The following PBX1 variants were observed in gnomAD, a reference collection of about 807,000 sequenced individuals.
The protein encoded by PBX1 is PBX homeobox 1, also known as pre-B-cell leukemia transcription factor 1.
A neutral mutation model predicts 53.4 loss-of-function variants in PBX1; 6 were observed. The ratio of observed to expected loss-of-function variants is 0.11; its 90% confidence interval spans 0.06 to 0.22. PBX1 has a LOEUF of 0.22. Ranked by LOEUF, PBX1 falls within the 10% of genes least tolerant of loss-of-function variation. The probability of loss-of-function intolerance (pLI) is 1.00; values close to 1 mark genes in which losing one functional copy is unlikely to be tolerated. For synonymous variants in PBX1, 204 were observed against 212.3 expected, an observed-to-expected ratio of 0.96 and a Z score of 0.34; for missense variants, 251 against 551.4, an observed-to-expected ratio of 0.46 and a Z score of 5.46.
In PBX1 at chr1:164,881,366, AAAG is replaced by A. The variant is rs1672647830; in HGVS notation, n.258-17818_258-17816del. Among the ~76,000 whole-genome samples, 4 of 51,290 alleles carry A rather than the reference AAAG, an allele frequency of 7.8e-5. 1 individual carries two copies. The highest frequency in any genetic ancestry group is 2.0e-4 in the Non-Finnish European group (4 of 19,754). 33.6% of individuals were successfully genotyped at this position (51,290 alleles called of 152,430 possible). A position where few individuals can be genotyped will look rare whatever the true frequency, so the allele number is the denominator to read the frequency against. ...GAAGGAAGGAAGGAAGGAAGGAGGA[AAAG>A]AAGGAAGGAAGGAAGGAAGGAAGGA... On this transcript the variant is annotated intron_variant and non_coding_transcript_variant, in intron 2 of 2. Coordinates refer to the PBX1 transcript ENST00000558796.
At chr1:164,866,273 C>T (rs1672214736) in intron 2 of PBX1, among the ~76,000 whole-genome samples, 1 of 152,228 alleles carries the variant, frequency 6.6e-6, no homozygotes, top group Non-Finnish European at 1.5e-5. Context: ...CAGTAATCTA[C>T]TCACACACTG....
At chr1:164,726,973 G>C (rs185275341) in intron 2 of PBX1, among the ~76,000 whole-genome samples, 1 of 152,092 alleles carries the variant, frequency 6.6e-6, no homozygotes, top group Non-Finnish European at 1.5e-5. Flanking sequence ...AGAAACCTTC[G>C]CTTTGGTTTT....
chr1:164,587,973 C>T (rs1212910863), intron 2 of PBX1, among the ~76,000 whole-genome samples: 1 of 152,184 alleles, frequency 6.6e-6, no homozygotes, highest in African/African-American at 2.4e-5. Context: ...TGCAAGGATG[C>T]CTTGTCACCT....
intron 2 of PBX1, among the ~76,000 whole-genome samples, chr1:164,740,141 A>C (rs745448012): frequency 6.6e-6 from 1 of 152,208 alleles, no homozygotes; most frequent in Non-Finnish European, 1.5e-5. Context: ...CGCTAGGAAC[A>C]CAGGGAAGAA....
intron 2 of PBX1, among the ~76,000 whole-genome samples, chr1:164,753,795 T>C (rs1292317084): frequency 6.6e-6 from 1 of 152,202 alleles, no homozygotes; most frequent in Admixed American, 6.5e-5. Context: ...GTGGTCTCTT[T>C]TATTTCCTTT....
chr1:164,606,173 C>G (rs1656536046), intron 2 of PBX1, among the ~76,000 whole-genome samples: 1 of 152,156 alleles, frequency 6.6e-6, no homozygotes, highest in Non-Finnish European at 1.5e-5. Flanking sequence ...TAACTCTCAT[C>G]TTTCAGTCTC....
chr1:164,630,123 A>G (rs553043433), intron 2 of PBX1, among the ~76,000 whole-genome samples: 2 of 152,296 alleles, frequency 1.3e-5, no homozygotes, highest in South Asian at 2.1e-4. Context: ...CTTGTGACCA[A>G]TGGGGTGATG....
At chr1:164,723,822 T>G (rs1387577991) in intron 2 of PBX1, among the ~76,000 whole-genome samples, 1 of 152,168 alleles carries the variant, frequency 6.6e-6, no homozygotes, top group Non-Finnish European at 1.5e-5. Flanking sequence ...AGCTGCCGAG[T>G]CAGAATCAAA....
chr1:164,570,633 G>A (rs75713197), intron 2 of PBX1, among the ~76,000 whole-genome samples: 17 of 152,286 alleles, frequency 1.1e-4, no homozygotes, highest in Non-Finnish European at 2.2e-4. Flanking sequence ...TTGGTTCCAA[G>A]TCTTTGCTAT....
intron 2 of PBX1, among the ~76,000 whole-genome samples, chr1:164,750,191 C>T (rs1231576984): frequency 2.8e-5 from 4 of 145,388 alleles, no homozygotes; most frequent in African/African-American, 1.1e-4. Context: ...TGTACATGCA[C>T]ATGTGCATTC....
At chr1:164,830,362 A>T (rs1438936116) in intron 8 of PBX1, among the ~76,000 whole-genome samples, 2 of 152,202 alleles carry the variant, frequency 1.3e-5, no homozygotes, top group Non-Finnish European at 2.9e-5. Flanking sequence ...CATGCTGTGA[A>T]AACAGAGTAG....
chr1:164,637,076 T>G (rs1323712059), intron 2 of PBX1, among the ~76,000 whole-genome samples: 1 of 152,138 alleles, frequency 6.6e-6, no homozygotes, highest in African/African-American at 2.4e-5. Context: ...TCGTTAATTT[T>G]AATGAGGGGA....
intron 2 of PBX1, among the ~76,000 whole-genome samples, chr1:164,875,629 T>C (rs1672484956): frequency 1.3e-5 from 2 of 152,114 alleles, no homozygotes; most frequent in African/African-American, 4.8e-5. Context: ...AGTCCCACCT[T>C]GGGCAAAAAT....
At chr1:164,644,129 C>G (rs926189892) in intron 2 of PBX1, among the ~76,000 whole-genome samples, 5 of 152,226 alleles carry the variant, frequency 3.3e-5, no homozygotes, top group African/African-American at 1.2e-4. Context: ...TGGCATCATG[C>G]TTCTAATATA....
chr1:164,822,178 C>T (rs1342793808), intron 8 of PBX1, among the ~76,000 whole-genome samples: 1 of 151,976 alleles, frequency 6.6e-6, no homozygotes, highest in Non-Finnish European at 1.5e-5. Flanking sequence ...AAATTCATAG[C>T]GACAAGCTAT....
At chr1:164,829,467 A>G (rs1226584747) in intron 8 of PBX1, 3 of 152,234 alleles carry the variant, frequency 2.0e-5, no homozygotes, top group African/African-American at 7.2e-5. Flanking sequence ...TTAGCAAAAC[A>G]TAGCTATTGA....
At chr1:164,677,813 G>T (rs1195624473) in intron 2 of PBX1, among the ~76,000 whole-genome samples, 1 of 152,102 alleles carries the variant, frequency 6.6e-6, no homozygotes, top group African/African-American at 2.4e-5. Flanking sequence ...TGACAATGAG[G>T]GGATTGGCTT....
At position 164,762,104 on chromosome 1, in the gene PBX1, G is replaced by T. The variant is rs183242752; in HGVS notation, c.266-30390G>T. Among the ~76,000 whole-genome samples the T allele has an allele frequency of 2.3e-3, 351 of 152,210 alleles. 4 individuals are homozygous for T. The highest frequency in any genetic ancestry group is 1.5e-3 in the Non-Finnish European group (103 of 68,002). ...GTGTGACACCTGTGGGCTCAACATT[G>T]TTTCACCCTTATTTTGATGACCTGC... On this transcript the variant is annotated intron_variant, in intron 2 of 8. Coordinates refer to ENST00000420696, the MANE Select transcript of PBX1 (RefSeq NM_002585.4).
chr1:164,729,844 TTAATA>T lies in PBX1; in HGVS notation c.266-62644_266-62640del, dbSNP rs140578731. ...ATAATAAAAATCATTATAACAATAA[TTAATA>T]TAATAAGTAAATATTACTGAATATT... On this transcript the variant is annotated intron_variant, in intron 2 of 8. Transcript: ENST00000420696. Among the ~76,000 whole-genome samples, 1,031 of 146,562 alleles carry T rather than the reference TTAATA, an allele frequency of 7.0e-3. 11 individuals are homozygous for T. Among genetic ancestry groups the T allele is most frequent in the African/African-American group, 0.024 (986 of 41,384 alleles).
Sources: gnomAD v4.1 joint callset for allele counts (sites outside exome capture counted in the v4.1 genomes callset) on GRCh38, gnomAD v4.1.1 for gene constraint, MANE v1.5 for transcripts, NCBI Gene and HGNC (gene_info 2026-07-23, HGNC 2026-07-21) for gene names.